CPSF2: variants seen among roughly 807,000 people sequenced by gnomAD.
CPSF2 encodes the protein cleavage and polyadenylation specific factor 2.
CPSF2 carries 51 observed loss-of-function variants against 84.2 expected under a neutral mutation model. That is an observed-to-expected ratio of 0.61 (90% CI 0.48 to 0.77). The LOEUF is 0.77. CPSF2 is among the 30% of genes least tolerant of loss of function. The pLI is 0.00. For synonymous variants in CPSF2, 286 were observed against 311.9 expected, an observed-to-expected ratio of 0.92 and a Z score of 0.87; for missense variants, 641 against 929.4, an observed-to-expected ratio of 0.69 and a Z score of 4.03.
chr14:92,125,684 T>C (rs2068837371), intron 1 of CPSF2, among the ~76,000 whole-genome samples: 1 of 152,174 alleles, frequency 6.6e-6, no homozygotes, highest in African/African-American at 2.4e-5. Context: ...TTTTATTTTT[T>C]GCTTTTGTGA....
chr14:92,132,542 C>T (rs994053886), intron 3 of CPSF2, among the ~76,000 whole-genome samples: 37 of 149,754 alleles, frequency 2.5e-4, no homozygotes, highest in Admixed American at 1.7e-3. Context: ...GAGGCCGAGG[C>T]GGGCAGATCA....
At position 92,134,118 on chromosome 14, in the gene CPSF2, C is replaced by T; in HGVS notation, c.257C>T (p.Ala86Val). ...TTGGGTCTGAACTGTGCTATCTATG[C>T]AACCATTCCTGTTTATAAAATGGGA... ...GKLGLNCAIY[A>V]TIPVYKMGQM... The change falls in exon 4 of 16, where the codon GCA (alanine) becomes GTA (valine). Residue 86 changes from alanine (A) to valine (V), a missense_variant. By Grantham distance (64) the Ala-to-Val change is moderately conservative. This residue lies in a region of CPSF2 where 211 missense variants were observed against 375.7 expected (regional missense o/e 0.56). Transcript: ENST00000298875. The T allele has an allele frequency of 1.9e-6, 3 of 1,614,148 alleles. No individual in the cohort carries two copies. Among genetic ancestry groups the T allele is most frequent in the Non-Finnish European group, 2.5e-6 (3 of 1,179,976 alleles).
At position 92,167,696 on chromosome 14, in the gene CPSF2, T is replaced by A. The variant is rs2069466536; in HGVS notation, c.*5952T>A. 1 of 152,210 alleles carries A rather than the reference T, an allele frequency of 6.6e-6. No homozygotes were observed. Among genetic ancestry groups the A allele is most frequent in the African/African-American group, 2.4e-5 (1 of 41,460 alleles). The allele number at this position is 152,210 out of a possible 1,614,324, so 9.4% of individuals were successfully genotyped here. A position where few individuals can be genotyped will look rare whatever the true frequency, so the allele number is the denominator to read the frequency against. ...TGGCATGCTGAGAAATAGATTGATT[T>A]CTATTCTATACTGTGTCCAGTAAAG... On this transcript the variant is annotated 3_prime_UTR_variant, in exon 16 of 16. Coordinates refer to ENST00000298875, the MANE Select transcript of CPSF2 (RefSeq NM_017437.3).
rs983003643 is a variant in CPSF2 at position 92,127,981 on chromosome 14, T to C, written c.-35+1801T>C. ...ACAAAGAGGAGGAGGTGTGGAGTAGTAGTCTCAGAAACTGAAAGTCAACCT... is the reference window on the plus strand; with the variant it reads ...ACAAAGAGGAGGAGGTGTGGAGTAGCAGTCTCAGAAACTGAAAGTCAACCT... On this transcript the variant is annotated intron_variant, in intron 2 of 15. Coordinates refer to ENST00000298875, the MANE Select transcript of CPSF2 (RefSeq NM_017437.3). 5.3e-5 allele frequency among the ~76,000 whole-genome samples: 8 copies of C among 152,198 alleles called. No homozygotes were observed. The East Asian group carries it at 1.5e-3, about 29-fold the overall frequency.
At chr14:92,135,673 TATAAGAC>T (rs1211298393) in intron 6 of CPSF2, among the ~76,000 whole-genome samples, 177 bp downstream of exon 6, 2 of 152,236 alleles carry the variant, frequency 1.3e-5, no homozygotes, top group Non-Finnish European at 2.9e-5. Context: ...GAAAGTATGG[TATAAGAC>T]ATAAGAGATT....
chr14:92,122,330 C>G (rs74074414), intron 1 of CPSF2: 3,400 of 179,332 alleles, frequency 0.019, 132 homozygotes, highest in African/African-American at 0.078. Flanking sequence ...GTTTCAAGCT[C>G]CCAGCTGTTT....
chr14:92,137,219 T>A (rs2069012215), intron 6 of CPSF2, among the ~76,000 whole-genome samples: 1 of 152,100 alleles, frequency 6.6e-6, no homozygotes, highest in Admixed American at 6.6e-5. Context: ...TTATTTATAT[T>A]TTTATGTATT....
Position 92,138,297 on chromosome 14 carries a change from A to G in CPSF2, c.611A>G (p.Asn204Ser), listed in dbSNP as rs1298342251. 2 of 1,608,488 alleles carry G rather than the reference A, an allele frequency of 1.2e-6. No individual in the cohort carries two copies. Among genetic ancestry groups the G allele is most frequent in the Non-Finnish European group, 8.5e-7 (1 of 1,177,846 alleles). Residue 204 changes from asparagine (N) to serine (S), a missense_variant, in exon 7 of 16, where the codon AAT (asparagine) becomes AGT (serine). Asn to Ser is a conservative substitution (Grantham distance 46, BLOSUM62 1). Coordinates refer to ENST00000298875, the MANE Select transcript of CPSF2 (RefSeq NM_017437.3). ...RPSLLITDSF[N>S]ATYVQPRRKQ... is the part of the protein sequence containing the mutation. ...TCCCTACTTATCACAGATTCATTCA[A>G]TGCTACATATGTACAGCCTAGAAGA...
chr14:92,160,168 G>A (rs1355109141), intron 14 of CPSF2, among the ~76,000 whole-genome samples: 1 of 152,078 alleles, frequency 6.6e-6, no homozygotes, highest in Non-Finnish European at 1.5e-5. Context: ...TTGCCATGTT[G>A]GCCAGGCTGG....
rs1172447829 is a variant in CPSF2 at position 92,126,105 on chromosome 14, TTTTA to T, written c.-93-9_-93-6del. 6.6e-6 allele frequency: 1 copy of T among 152,226 alleles called. No individual in the cohort carries two copies. The highest frequency in any genetic ancestry group is 2.4e-5 in the African/African-American group (1 of 41,458). 9.4% of individuals were successfully genotyped at this position (152,226 alleles called of 1,614,324 possible). ...AATCATAATACCACATTCATAAGGC[TTTTA>T]TTTATTTTTTAGATTAATAAAGAAC... On this transcript the variant is annotated splice_polypyrimidine_tract_variant and intron_variant, in intron 1 of 15. Transcript: ENST00000298875.
rs1279970476 is a variant in CPSF2, at chr14:92,164,664, CA to C, written c.*2923del. On this transcript the variant is annotated 3_prime_UTR_variant, in exon 16 of 16. Coordinates refer to ENST00000298875, the MANE Select transcript of CPSF2 (RefSeq NM_017437.3). ...TTTGTTGCTGTAGGATTATAAATGT[CA>C]AATATCATTGTAAACATTTCTATAT... 6.6e-6 allele frequency: 1 copy of C among 152,118 alleles called. No individual in the cohort carries two copies. The allele number at this position is 152,118 out of a possible 1,614,324, so 9.4% of individuals were successfully genotyped here.
At chr14:92,126,083 CATA>C (rs2068842434) in intron 1 of CPSF2, 36 bp from the exon 2 acceptor site, 1 of 152,150 alleles carries the variant, frequency 6.6e-6, no homozygotes, top group Admixed American at 6.5e-5. Flanking sequence ...AGAATGAAAT[CATA>C]ATACCACATT....
intron 5 of CPSF2, among the ~76,000 whole-genome samples, chr14:92,134,662 T>C (rs551480407): frequency 6.6e-6 from 1 of 152,334 alleles, no homozygotes; most frequent in Non-Finnish European, 1.5e-5. Flanking sequence ...AGCTTACAGT[T>C]AGATTGAGGC....
In CPSF2 at chr14:92,169,149, A is replaced by C. The variant is rs1346133975; in HGVS notation, c.*7405A>C. 1.3e-5 allele frequency: 2 copies of C among 152,210 alleles called. No homozygotes were observed. The highest frequency in any genetic ancestry group is 4.8e-5 in the African/African-American group (2 of 41,466). 9.4% of individuals were successfully genotyped at this position (152,210 alleles called of 1,614,324 possible). A position where few individuals can be genotyped will look rare whatever the true frequency, so the allele number is the denominator to read the frequency against. ...AACTATCAGACGTAACTCTGTGGGA[A>C]ACTTTATTCCAAGGGTGCTGCCACT... is the stretch of plus-strand genomic sequence containing the variant. On this transcript the variant is annotated 3_prime_UTR_variant, in exon 16 of 16. Transcript: ENST00000298875.
rs763142100 is a variant in CPSF2, at chr14:92,159,097, G to A, written c.1936G>A (p.Val646Ile). 6 of 1,614,064 alleles carry A rather than the reference G, an allele frequency of 3.7e-6. No homozygotes were observed. Among genetic ancestry groups the A allele is most frequent in the Non-Finnish European group, 5.1e-6 (6 of 1,179,994 alleles). Reference sequence around the variant, plus strand: ...GAGAGTTTCCAAAGTGGACACAGGGGTTATTTTAGAAGAAGGAGAACTAAA... The same window carrying A: ...GAGAGTTTCCAAAGTGGACACAGGGATTATTTTAGAAGAAGGAGAACTAAA... ...DMRVSKVDTGVILEEGELKDD... is the reference protein window; with the variant it reads ...DMRVSKVDTGIILEEGELKDD... Residue 646 changes from valine (V) to isoleucine (I), a missense_variant, in exon 14 of 16, where the codon GTT becomes ATT. Transcript: ENST00000298875.
intron 2 of CPSF2, among the ~76,000 whole-genome samples, chr14:92,126,719 C>T (rs928188525): frequency 6.6e-6 from 1 of 152,138 alleles, no homozygotes; most frequent in Non-Finnish European, 1.5e-5. Flanking sequence ...GGGAGGATCA[C>T]TTGAGCCCAG....
At chr14:92,142,672 C>A (rs1595058619) in intron 8 of CPSF2, among the ~76,000 whole-genome samples, 1 of 152,180 alleles carries the variant, frequency 6.6e-6, no homozygotes, top group Admixed American at 6.5e-5. Context: ...TGTTAGAATT[C>A]ATTGTTCTTT....
In CPSF2 at chr14:92,132,772, C is replaced by CA. The variant is rs1293124871; in HGVS notation, c.150-1229dup. On this transcript the variant is annotated intron_variant, in intron 3 of 15. Transcript: ENST00000298875. ...GGGCAACAAGAGTGAAACTCCGTCT[C>CA]AAAAAAAAAACAAAAAAAACAAAAA... Among the ~76,000 whole-genome samples, 722 of 133,308 alleles carry CA rather than the reference C, an allele frequency of 5.4e-3. 4 individuals carry two copies. The highest frequency in any genetic ancestry group is 0.017 in the African/African-American group (625 of 36,024). The allele number at this position is 133,308 out of a possible 152,430, so 87.5% of individuals were successfully genotyped here. A position where few individuals can be genotyped will look rare whatever the true frequency, so the allele number is the denominator to read the frequency against.
rs2069306033 is a variant in CPSF2, at chr14:92,157,539, A to C, written c.1596-120A>C. 1 of 662,314 alleles carries C rather than the reference A, an allele frequency of 1.5e-6. No homozygotes were observed. Among genetic ancestry groups the C allele is most frequent in the Admixed American group, 3.0e-5 (1 of 33,184 alleles). 41.0% of individuals were successfully genotyped at this position (662,314 alleles called of 1,614,324 possible). On this transcript the variant is annotated intron_variant, in intron 12 of 15. Transcript: ENST00000298875. The surrounding 1 kb of genome is among the most constrained non-coding windows in gnomAD (Gnocchi z 4.0). Reference sequence around the variant, plus strand: ...TAAAAACAAAAATAAAATAAATCATACAGATACTATAACATGTGTATTTCT... The same window carrying C: ...TAAAAACAAAAATAAAATAAATCATCCAGATACTATAACATGTGTATTTCT...
Sources: allele counts gnomAD v4.1 joint callset (sites outside exome capture counted in the v4.1 genomes callset), GRCh38; gene constraint gnomAD v4.1.1; regional missense constraint gnomAD v4.1.1; non-coding constraint Gnocchi (gnomAD v3.1); transcripts MANE v1.5; gene names NCBI Gene and HGNC (gene_info 2026-07-23, HGNC 2026-07-21).